The following SH3BGR variants were observed in gnomAD, a reference collection of about 807,000 sequenced individuals.
SH3BGR encodes SH3 domain binding glutamate rich protein.
SH3BGR carries 29 observed loss-of-function variants against 24.5 expected under a neutral mutation model. The ratio of observed to expected loss-of-function variants is 1.18; its 90% CI spans 0.88 to 1.61. SH3BGR has a LOEUF of 1.61. Ranked by LOEUF, SH3BGR falls within the 40% of genes most tolerant of loss-of-function variation. The pLI is 0.00. For missense variants in SH3BGR, 162 were observed against 205.8 expected (o/e 0.79, Z 1.30); for synonymous variants, 55 against 65.7 (o/e 0.84, Z 0.79).
intron 2 of SH3BGR, among the ~76,000 whole-genome samples, chr21:39,470,939 G>T (rs1316915822): frequency 6.6e-6 from 1 of 151,828 alleles, no homozygotes; most frequent in Non-Finnish European, 1.5e-5. Context: ...ACTGAGTCTG[G>T]AATTCTGGGC....
At chr21:39,500,250 CA>C (rs1602160205) in intron 4 of SH3BGR, among the ~76,000 whole-genome samples, 1 of 151,984 alleles carries the variant, frequency 6.6e-6, no homozygotes, top group East Asian at 1.9e-4. Flanking sequence ...TGATTAATGA[CA>C]GACTCCTAGC....
intron 3 of SH3BGR, among the ~76,000 whole-genome samples, chr21:39,496,206 ATTATCT>A (rs1424943585): frequency 6.6e-6 from 1 of 152,188 alleles, no homozygotes; most frequent in Non-Finnish European, 1.5e-5. Flanking sequence ...AAAATTTAAA[ATTATCT>A]TTATTTGGCC....
chr21:39,489,041 A>C (rs1477238387), intron 3 of SH3BGR, among the ~76,000 whole-genome samples: 1 of 152,238 alleles, frequency 6.6e-6, no homozygotes, highest in African/African-American at 2.4e-5. Flanking sequence ...TCCATTCAAG[A>C]AGACCAGAGG....
chr21:39,477,926 C>T (rs140232223), intron 3 of SH3BGR, among the ~76,000 whole-genome samples: 332 of 152,138 alleles, frequency 2.2e-3, no homozygotes, highest in African/African-American at 7.8e-3. Context: ...TTGTGAAATA[C>T]GTATACATTG....
intron 3 of SH3BGR, among the ~76,000 whole-genome samples, chr21:39,487,618 C>T (rs1036464045): frequency 5.9e-5 from 9 of 152,190 alleles, no homozygotes; most frequent in African/African-American, 2.2e-4. Context: ...TCAAATCCCT[C>T]TATTAGAGTC....
intron 3 of SH3BGR, among the ~76,000 whole-genome samples, chr21:39,498,358 A>G (rs1344606645): frequency 1.3e-5 from 2 of 152,198 alleles, no homozygotes; most frequent in African/African-American, 4.8e-5. Context: ...ATATTTTAAA[A>G]GGCTGGGACC....
chr21:39,509,045 T>C lies in SH3BGR; in HGVS notation c.435+18T>C. On this transcript the variant is annotated intron_variant, in intron 5 of 6. Transcript: ENST00000333634. ...CAGAAGAGGTACGGTCGACCATCTT[T>C]AACAGCTGTGCTTAATCTGCTTAAT... 6.2e-7 allele frequency: 1 copy of C among 1,601,898 alleles called. No homozygotes were observed. Among genetic ancestry groups the C allele is most frequent in the Non-Finnish European group, 8.5e-7 (1 of 1,171,558 alleles).
In SH3BGR at chr21:39,488,766, C is replaced by T; in HGVS notation, c.313-11057C>T. On this transcript the variant is annotated intron_variant, in intron 3 of 6. Transcript: ENST00000333634. ...ATGAGGACAGCAATGGTTGTCAACTCTGAAGAGCTCGTCTGTGTGGTGCTG... is the reference window on the plus strand; with the variant it reads ...ATGAGGACAGCAATGGTTGTCAACTTTGAAGAGCTCGTCTGTGTGGTGCTG... 4 of 415,892 alleles carry T rather than the reference C, an allele frequency of 9.6e-6. 1 individual carries two copies. The highest frequency in any genetic ancestry group is 8.2e-5 in the South Asian group (4 of 48,498). The allele number at this position is 415,892 out of a possible 1,614,324, so 25.8% of individuals were successfully genotyped here.
intron 3 of SH3BGR, chr21:39,491,816 C>A: frequency 5.1e-6 from 1 of 194,764 alleles, no homozygotes; most frequent in South Asian, 1.1e-4. Context: ...GGGCACACAT[C>A]AGGTATAGTT....
At chr21:39,502,025 TAGCTGGC>T (rs1421524499) in intron 4 of SH3BGR, among the ~76,000 whole-genome samples, 1 of 152,188 alleles carries the variant, frequency 6.6e-6, no homozygotes, top group Non-Finnish European at 1.5e-5. Flanking sequence ...ATACAAAAAT[TAGCTGGC>T]TGTGATGGCG....
At chr21:39,513,720 T>C (rs2078737106) in intron 6 of SH3BGR, among the ~76,000 whole-genome samples, 1 of 152,084 alleles carries the variant, frequency 6.6e-6, no homozygotes, top group African/African-American at 2.4e-5. Context: ...AAGCTTAAGA[T>C]ATTCTACCTG....
At chr21:39,464,332 C>G (rs1396088441) in intron 2 of SH3BGR, among the ~76,000 whole-genome samples, 1 of 152,172 alleles carries the variant, frequency 6.6e-6, no homozygotes, top group Non-Finnish European at 1.5e-5. Context: ...AAGTGATTCT[C>G]CTGCCTCAGC....
chr21:39,488,627 G>T, intron 3 of SH3BGR: 1 of 329,578 alleles, frequency 3.0e-6, no homozygotes. Flanking sequence ...GAAGGTCTTT[G>T]GGTGTTTGAC....
chr21:39,485,935 G>A (rs1028718372), intron 3 of SH3BGR, among the ~76,000 whole-genome samples: 8 of 152,172 alleles, frequency 5.3e-5, no homozygotes, highest in South Asian at 4.1e-4. Flanking sequence ...TGATCCGCCC[G>A]CCTCGGCCTC....
At chr21:39,498,317 C>T (rs1427031859) in intron 3 of SH3BGR, among the ~76,000 whole-genome samples, 2 of 152,154 alleles carry the variant, frequency 1.3e-5, no homozygotes, top group Non-Finnish European at 2.9e-5. Flanking sequence ...CTCCCATGAG[C>T]TTGCAGAGCC....
chr21:39,446,893 A>C (rs762956860), intron 1 of SH3BGR: 6 of 151,866 alleles, frequency 4.0e-5, no homozygotes, highest in Non-Finnish European at 7.4e-5. Context: ...ATTTCTCTAT[A>C]GTTTCTGCAT....
chr21:39,458,489 C>T (rs940355428), intron 1 of SH3BGR, among the ~76,000 whole-genome samples: 1 of 152,060 alleles, frequency 6.6e-6, no homozygotes, highest in African/African-American at 2.4e-5. Context: ...AGATGCGTGC[C>T]ACCACACCCA....
chr21:39,455,498 A>G (rs2077640146), intron 1 of SH3BGR, among the ~76,000 whole-genome samples: 1 of 152,222 alleles, frequency 6.6e-6, no homozygotes, highest in Non-Finnish European at 1.5e-5. Flanking sequence ...CCTCTGGGCC[A>G]TAAAGAGATG....
At chr21:39,475,762 G>A (rs2078018027) in intron 3 of SH3BGR, among the ~76,000 whole-genome samples, 1 of 152,168 alleles carries the variant, frequency 6.6e-6, no homozygotes, top group Non-Finnish European at 1.5e-5. Flanking sequence ...TAAATAGAGA[G>A]TTATGCTAAT....
Sources: gnomAD v4.1 joint callset for allele counts (sites outside exome capture counted in the v4.1 genomes callset) on GRCh38, gnomAD v4.1.1 for gene constraint, MANE v1.5 for transcripts, NCBI Gene and HGNC (gene_info 2026-07-23, HGNC 2026-07-21) for gene names.